SUMF1: variants seen among roughly 807,000 people sequenced by gnomAD.
SUMF1 encodes formylglycine-generating enzyme.
In SUMF1, 48 loss-of-function variants were observed where a neutral mutation model predicts 47.6. That is an observed-to-expected ratio of 1.01 (90% CI 0.80 to 1.28). SUMF1 has a LOEUF of 1.28. Ranked by LOEUF, SUMF1 falls within the 50% of genes most tolerant of loss-of-function variation. The pLI is 0.00. For synonymous variants in SUMF1, 230 were observed against 192.1 expected, an observed-to-expected ratio of 1.20 and a Z score of -1.63; for missense variants, 571 against 485.4, an observed-to-expected ratio of 1.18 and a Z score of -1.66.
intron 8 of SUMF1, among the ~76,000 whole-genome samples, chr3:4,236,240 A>G (rs1472187953): frequency 6.6e-6 from 1 of 152,118 alleles, no homozygotes; most frequent in East Asian, 1.9e-4. Flanking sequence ...GAAAAACCAC[A>G]TATCTAACAG....
chr3:4,393,759 A>C (rs995239649), intron 7 of SUMF1, among the ~76,000 whole-genome samples: 4 of 152,146 alleles, frequency 2.6e-5, no homozygotes, highest in African/African-American at 9.7e-5. Context: ...AAAGCTATAG[A>C]AGTTTCTCAA....
At chr3:4,067,955 G>C (rs1353244426) in intron 9 of SUMF1, among the ~76,000 whole-genome samples, 1 of 152,134 alleles carries the variant, frequency 6.6e-6, no homozygotes, top group African/African-American at 2.4e-5. Flanking sequence ...AAGAAACTAA[G>C]AGTCCAAAAA....
intron 8 of SUMF1, among the ~76,000 whole-genome samples, chr3:4,326,985 A>G (rs778724033): frequency 1.3e-5 from 2 of 152,238 alleles, no homozygotes; most frequent in Admixed American, 6.5e-5. Context: ...TTATGCAAAT[A>G]ACTATATTGT....
chr3:4,435,892 G>A (rs1418667714), intron 3 of SUMF1, among the ~76,000 whole-genome samples: 1 of 152,202 alleles, frequency 6.6e-6, no homozygotes, highest in African/African-American at 2.4e-5. Context: ...TTAGGCTGAA[G>A]AGAAATGATA....
chr3:4,110,273 G>A (rs112770268), intron 8 of SUMF1, among the ~76,000 whole-genome samples: 22 of 152,204 alleles, frequency 1.4e-4, no homozygotes, highest in Non-Finnish European at 8.8e-5. Flanking sequence ...CTGCCTGATC[G>A]TTCCTCTGGA....
At position 4,376,341 on chromosome 3, in the gene SUMF1, T is replaced by G; in HGVS notation, c.1003A>C (p.Met335Leu). ...KDRVKKGGSY[M>L]CHRSYCYRYR... ...GTGACATGACTTACCCTATGGCACATGTAGGATCCACCTTTCTTCACTCGG... is the reference window on the plus strand; with the variant it reads ...GTGACATGACTTACCCTATGGCACAGGTAGGATCCACCTTTCTTCACTCGG... Residue 335 changes from methionine to leucine, a missense_variant, in exon 8 of 9, where the codon ATG (methionine) becomes CTG (leucine). Coordinates refer to ENST00000272902, the MANE Select transcript of SUMF1 (RefSeq NM_182760.4). 6.2e-7 allele frequency: 1 copy of G among 1,614,152 alleles called. No homozygotes were observed. Among genetic ancestry groups the G allele is most frequent in the Non-Finnish European group, 8.5e-7 (1 of 1,179,984 alleles).
chr3:4,143,968 G>A (rs967843099), intron 8 of SUMF1, among the ~76,000 whole-genome samples: 1 of 148,838 alleles, frequency 6.7e-6, no homozygotes, highest in African/African-American at 2.5e-5. Context: ...CCTCCTTAAA[G>A]TGACCACTGT....
chr3:4,309,206 T>C lies in SUMF1; in HGVS notation c.1014+67124A>G, dbSNP rs532367065. 3.3e-5 allele frequency among the ~76,000 whole-genome samples: 5 copies of C among 152,222 alleles called. No individual in the cohort carries two copies. The South Asian group carries it at 1.0e-3, about 32-fold the overall frequency. The stretch of plus-strand genomic sequence containing the variant: ...GGTAGCAGGCTTCAGAGAGAATAGA[T>C]TGTAAATGTTTTTTATCAGACTTAA... On this transcript the variant is annotated intron_variant and NMD_transcript_variant, in intron 8 of 12. Coordinates refer to the SUMF1 transcript ENST00000448413.
chr3:4,449,074 T>C (rs1702879261), intron 3 of SUMF1, among the ~76,000 whole-genome samples, 192 bp downstream of exon 3: 2 of 152,212 alleles, frequency 1.3e-5, no homozygotes, highest in South Asian at 4.1e-4. Flanking sequence ...CTTCCTCAGA[T>C]ACCATCTTGT....
intron 8 of SUMF1, among the ~76,000 whole-genome samples, chr3:4,283,215 T>C (rs1037111728): frequency 1.3e-5 from 2 of 152,210 alleles, no homozygotes; most frequent in African/African-American, 4.8e-5. Flanking sequence ...CACTTTCAAC[T>C]TCTAGAGGCA....
At chr3:4,412,214 T>C (rs1701566211) in intron 6 of SUMF1, among the ~76,000 whole-genome samples, 1 of 152,040 alleles carries the variant, frequency 6.6e-6, no homozygotes, top group Non-Finnish European at 1.5e-5. Context: ...CAATAACAAA[T>C]AATGAATGAC....
intron 8 of SUMF1, among the ~76,000 whole-genome samples, chr3:4,186,069 C>T (rs1016932151): frequency 6.6e-5 from 10 of 152,134 alleles, no homozygotes; most frequent in African/African-American, 1.7e-4. Flanking sequence ...CTATTCCAGT[C>T]ATCACTGGGG....
chr3:4,238,495 T>G (rs1696460837), intron 8 of SUMF1, among the ~76,000 whole-genome samples: 3 of 152,198 alleles, frequency 2.0e-5, no homozygotes, highest in Non-Finnish European at 4.4e-5. Flanking sequence ...GGTATCTCAT[T>G]GTGGTTTTAA....
intron 8 of SUMF1, among the ~76,000 whole-genome samples, chr3:4,339,482 T>C (rs1699224075): frequency 1.3e-5 from 2 of 152,194 alleles, no homozygotes; most frequent in Non-Finnish European, 2.9e-5. Flanking sequence ...CAGGTAGCTC[T>C]GAAGCCAAGG....
chr3:4,042,617 T>C (rs1694928828), intron 9 of SUMF1, among the ~76,000 whole-genome samples: 1 of 152,184 alleles, frequency 6.6e-6, no homozygotes, highest in Non-Finnish European at 1.5e-5. Flanking sequence ...CCTCATTTTT[T>C]CCTTTAAAAA....
chr3:4,283,170 C>G (rs1463981864), intron 8 of SUMF1, among the ~76,000 whole-genome samples: 1 of 152,158 alleles, frequency 6.6e-6, no homozygotes, highest in Non-Finnish European at 1.5e-5. Context: ...CAAGTTTGTT[C>G]CTTTTCGTTC....
intron 8 of SUMF1, among the ~76,000 whole-genome samples, chr3:4,102,094 T>G (rs949903585): frequency 1.3e-5 from 2 of 152,142 alleles, no homozygotes; most frequent in Middle Eastern, 6.3e-3. Context: ...TTAACTCCCA[T>G]TGGGTCCATC....
intron 9 of SUMF1, among the ~76,000 whole-genome samples, chr3:4,055,830 C>T (rs887790663): frequency 6.6e-6 from 1 of 152,152 alleles, no homozygotes. Flanking sequence ...GTTCACTGGG[C>T]TATAATCAAG....
At chr3:4,120,652 G>A (rs926311643) in intron 8 of SUMF1, among the ~76,000 whole-genome samples, 2 of 152,106 alleles carry the variant, frequency 1.3e-5, no homozygotes, top group Admixed American at 6.6e-5. Context: ...GATAGAGATT[G>A]TCTGGAGGAG....
Sources: gnomAD v4.1 joint callset for allele counts (sites outside exome capture counted in the v4.1 genomes callset) on GRCh38, gnomAD v4.1.1 for gene constraint, MANE v1.5 for transcripts, NCBI Gene and HGNC (gene_info 2026-07-23, HGNC 2026-07-21) for gene names.